Variants in WDR41 observed in about 807,000 individuals in gnomAD.
WDR41 encodes the protein WD repeat domain 41, also known as WD repeat-containing protein 41.
WDR41 carries 63 observed loss-of-function variants against 69.3 expected under a neutral mutation model. The ratio of observed to expected loss-of-function variants is 0.91; its 90% CI spans 0.74 to 1.12. WDR41 has a LOEUF of 1.12. Ranked by LOEUF, WDR41 falls within the 50% of genes most tolerant of loss-of-function variation. WDR41 has a pLI of 0.00. For missense variants in WDR41, 543 were observed against 534.5 expected, an observed-to-expected ratio of 1.02 and a Z score of -0.16; for synonymous variants, 185 against 192.1, an observed-to-expected ratio of 0.96 and a Z score of 0.31.
intron 1 of WDR41, among the ~76,000 whole-genome samples, chr5:77,508,467 G>T (rs1348964382): frequency 2.0e-5 from 3 of 152,136 alleles, no homozygotes; most frequent in Non-Finnish European, 4.4e-5. Flanking sequence ...ATTAGACATT[G>T]TCATCATAAC....
At chr5:77,526,760 A>C (rs1802452621) in intron 1 of WDR41, among the ~76,000 whole-genome samples, 1 of 152,146 alleles carries the variant, frequency 6.6e-6, no homozygotes, top group South Asian at 2.1e-4. Flanking sequence ...ATCACAGATA[A>C]AATCACACTT....
chr5:77,469,853 T>C (rs1800491074), intron 2 of WDR41, among the ~76,000 whole-genome samples: 1 of 152,286 alleles, frequency 6.6e-6, no homozygotes, highest in Non-Finnish European at 1.5e-5. Flanking sequence ...GAAAACACTC[T>C]GCAGGATATT....
At chr5:77,592,805 T>C (rs1046507821) in intron 1 of WDR41, among the ~76,000 whole-genome samples, 2 of 152,186 alleles carry the variant, frequency 1.3e-5, no homozygotes, top group African/African-American at 2.4e-5. Flanking sequence ...AGTGTTTTTA[T>C]TGGAGAGTCA....
intron 1 of WDR41, among the ~76,000 whole-genome samples, chr5:77,598,138 TAAC>T (rs1206735739): frequency 2.6e-5 from 4 of 152,174 alleles, no homozygotes; most frequent in African/African-American, 9.7e-5. Context: ...AAATAGAAAA[TAAC>T]AAGCACAGGT....
upstream of WDR41, among the ~76,000 whole-genome samples, chr5:77,496,149 T>C (rs1311616267): frequency 2.0e-5 from 3 of 152,042 alleles, no homozygotes; most frequent in Non-Finnish European, 4.4e-5. Flanking sequence ...GAAAAACCCA[T>C]GGTTAACATC....
At chr5:77,491,847 G>C in intron 1 of WDR41, 1 of 373,724 alleles carries the variant, frequency 2.7e-6, no homozygotes. Context: ...TCGGTAGCCA[G>C]AAGCCCTAAG....
chr5:77,585,987 C>T (rs1006144836), intron 1 of WDR41, among the ~76,000 whole-genome samples: 3 of 152,130 alleles, frequency 2.0e-5, no homozygotes, highest in Non-Finnish European at 4.4e-5. Flanking sequence ...ATATAGTTTA[C>T]TCTTCTTAAT....
At chr5:77,537,021 G>A (rs990672344) in intron 1 of WDR41, among the ~76,000 whole-genome samples, 3 of 152,210 alleles carry the variant, frequency 2.0e-5, no homozygotes, top group African/African-American at 7.2e-5. Context: ...TTGCTTACAT[G>A]CAGAGGTGCT....
intron 1 of WDR41, among the ~76,000 whole-genome samples, chr5:77,517,673 A>G (rs1387236469): frequency 6.9e-6 from 1 of 145,488 alleles, no homozygotes; most frequent in East Asian, 1.9e-4. Flanking sequence ...GCTAACAGGT[A>G]ATTAGCGGAA....
intron 1 of WDR41, among the ~76,000 whole-genome samples, chr5:77,500,458 A>T (rs915884109): frequency 1.3e-5 from 2 of 152,156 alleles, no homozygotes; most frequent in African/African-American, 4.8e-5. Flanking sequence ...AAAAAAAATA[A>T]AAGATAAAAA....
intron 1 of WDR41, chr5:77,620,384 T>C (rs1744758813): frequency 2.3e-6 from 1 of 427,486 alleles, no homozygotes. Flanking sequence ...ATTTCCTGTT[T>C]TAATAGGGGA....
At position 77,440,862 on chromosome 5, in the gene WDR41, CAG is replaced by C. The variant is rs748196237; in HGVS notation, c.831_832del (p.Cys278SerfsTer5). ...AATAGAAATGTCATTTGATTTTTGA[CAG>C]AGTTTTATTTCTTGTTGGGTGTCCA... On this transcript the variant is annotated frameshift_variant, in exon 9 of 13. Coordinates refer to ENST00000296679, the MANE Select transcript of WDR41 (RefSeq NM_018268.4). LOFTEE classifies it high-confidence loss of function. 3.7e-6 allele frequency: 6 copies of C among 1,613,930 alleles called. No homozygotes were observed. Among genetic ancestry groups the C allele is most frequent in the East Asian group, 4.5e-5 (2 of 44,870 alleles).
intron 5 of WDR41, among the ~76,000 whole-genome samples, chr5:77,457,304 A>T (rs1206304333): frequency 6.6e-6 from 1 of 152,122 alleles, no homozygotes; most frequent in Non-Finnish European, 1.5e-5. Flanking sequence ...TGGTTTGATA[A>T]TATTTTGTTG....
intron 1 of WDR41, among the ~76,000 whole-genome samples, chr5:77,517,616 T>C (rs905691393): frequency 7.7e-6 from 1 of 129,238 alleles, no homozygotes; most frequent in Non-Finnish European, 1.6e-5. Context: ...TTGACATTTA[T>C]TCATATTTAT....
At chr5:77,595,618 G>A (rs567513073) in intron 1 of WDR41, among the ~76,000 whole-genome samples, 1 of 152,310 alleles carries the variant, frequency 6.6e-6, no homozygotes, top group South Asian at 2.1e-4. Context: ...TTGCAAGATA[G>A]GTAAGCCCAA....
intron 1 of WDR41, among the ~76,000 whole-genome samples, chr5:77,613,057 G>C (rs1186106637): frequency 6.7e-6 from 1 of 149,856 alleles, no homozygotes; most frequent in African/African-American, 2.4e-5. Flanking sequence ...GCTTCAAAGA[G>C]AATAAAATAC....
intron 8 of WDR41, among the ~76,000 whole-genome samples, chr5:77,446,874 A>G (rs1451458358): frequency 6.6e-6 from 1 of 152,258 alleles, no homozygotes; most frequent in Non-Finnish European, 1.5e-5. Context: ...CAAAGACTTC[A>G]TGACAAAGAT....
At chr5:77,472,083 G>A (rs1390810581) in intron 2 of WDR41, among the ~76,000 whole-genome samples, 1 of 152,176 alleles carries the variant, frequency 6.6e-6, no homozygotes, top group African/African-American at 2.4e-5. Context: ...CCATGATCAA[G>A]TGGGCTTCAT....
intron 2 of WDR41, among the ~76,000 whole-genome samples, chr5:77,467,275 A>C (rs935358751): frequency 2.2e-4 from 33 of 152,042 alleles, no homozygotes; most frequent in African/African-American, 7.5e-4. Context: ...CAAAAACTTA[A>C]GCCTAAAGAT....
Sources: gnomAD v4.1 joint callset for allele counts (sites outside exome capture counted in the v4.1 genomes callset) on GRCh38, gnomAD v4.1.1 for gene constraint, MANE v1.5 for transcripts, NCBI Gene and HGNC (gene_info 2026-07-23, HGNC 2026-07-21) for gene names.